Variants in ARHGAP44 observed in about 807,000 individuals in gnomAD.
The protein encoded by ARHGAP44 is rho GTPase-activating protein 44.
In ARHGAP44, 43 loss-of-function variants were observed where a neutral mutation model predicts 106.8. That is an observed-to-expected ratio of 0.40 (90% CI 0.32 to 0.52). The LOEUF is 0.52. Among genes scored for constraint, ARHGAP44 ranks in the 20% least tolerant of loss-of-function variants. ARHGAP44 has a pLI of 0.48. For missense variants in ARHGAP44, 866 were observed against 1,050.5 expected (o/e 0.82, Z 2.43); for synonymous variants, 439 against 410.3 (o/e 1.07, Z -0.85).
intron 9 of ARHGAP44, 57 bp from the exon 10 acceptor site, chr17:12,944,012 C>G: frequency 6.6e-7 from 1 of 1,516,620 alleles, no homozygotes; most frequent in East Asian, 2.4e-5. Flanking sequence ...AAGCGAGATT[C>G]CAGCATGAGT....
intron 7 of ARHGAP44, among the ~76,000 whole-genome samples, chr17:12,933,087 A>C (rs1048542285): frequency 1.3e-4 from 20 of 152,092 alleles, no homozygotes; most frequent in Non-Finnish European, 2.6e-4. Context: ...GTTTTGTTAA[A>C]GTTCTCTTCT....
intron 1 of ARHGAP44, among the ~76,000 whole-genome samples, chr17:12,791,177 A>G (rs562651728): frequency 6.6e-6 from 1 of 152,308 alleles, no homozygotes; most frequent in East Asian, 1.9e-4. Flanking sequence ...TTTCCAAGTA[A>G]CAATGTCTAA....
chr17:12,860,098 C>CA (rs2036025861), intron 1 of ARHGAP44, among the ~76,000 whole-genome samples: 1 of 118,316 alleles, frequency 8.5e-6, no homozygotes, highest in Admixed American at 8.2e-5. Flanking sequence ...GGCATGCCCA[C>CA]AAGTGAGTTA....
At chr17:12,935,561 C>T (rs1217997252) in intron 7 of ARHGAP44, among the ~76,000 whole-genome samples, 1 of 106,282 alleles carries the variant, frequency 9.4e-6, no homozygotes, top group African/African-American at 4.1e-5. Context: ...CAGAGTGAGA[C>T]TCCATCTCAA....
At chr17:12,903,140 A>AGTGTGTGTGTGTGT (rs546197652) in intron 3 of ARHGAP44, among the ~76,000 whole-genome samples, 15 of 57,596 alleles carry the variant, frequency 2.6e-4, no homozygotes, top group Admixed American at 1.0e-3. Flanking sequence ...AGAGAGAGAG[A>AGTGTGTGTGTGTGT]GTGTGTGTGT....
At chr17:12,846,070 G>GTTA (rs2035561188) in intron 1 of ARHGAP44, among the ~76,000 whole-genome samples, 1 of 150,160 alleles carries the variant, frequency 6.7e-6, no homozygotes, top group African/African-American at 2.5e-5. Context: ...TATGAGGAAG[G>GTTA]TGATATAGTG....
At chr17:12,986,944 T>C (rs1187272857) in intron 20 of ARHGAP44, 2 of 661,140 alleles carry the variant, frequency 3.0e-6, no homozygotes, top group Non-Finnish European at 5.1e-6. Context: ...TTTTGTCCCA[T>C]ACGTTCAGGT....
chr17:12,789,531 C>CGGACTG lies in ARHGAP44; in HGVS notation c.-298_-293dup, dbSNP rs1366498381. ...TGCGGAGACTCCCGGGTCCCCGCGC[C>CGGACTG]GGACTGGGACTGGGAGCAGGCAGCC... On this transcript the variant is annotated 5_prime_UTR_variant, in exon 1 of 21. Transcript: ENST00000379672. 25 of 196,892 alleles carry CGGACTG rather than the reference C, an allele frequency of 1.3e-4. No individual in the cohort carries two copies. In the East Asian group the frequency reaches 2.7e-3, roughly 22 times the overall value. The allele number at this position is 196,892 out of a possible 1,614,324, so 12.2% of individuals were successfully genotyped here.
chr17:12,864,008 T>A (rs1472818813), intron 1 of ARHGAP44, among the ~76,000 whole-genome samples: 1 of 152,232 alleles, frequency 6.6e-6, no homozygotes, highest in Non-Finnish European at 1.5e-5. Flanking sequence ...TTGGACTTCC[T>A]CACAGTATGG....
intron 1 of ARHGAP44, among the ~76,000 whole-genome samples, chr17:12,833,162 C>G (rs939724380): frequency 1.3e-5 from 2 of 152,178 alleles, no homozygotes; most frequent in Non-Finnish European, 2.9e-5. Flanking sequence ...GGCAGTGCCA[C>G]TGGATAGGAG....
chr17:12,812,462 A>G (rs973948187), intron 1 of ARHGAP44, among the ~76,000 whole-genome samples: 3 of 152,342 alleles, frequency 2.0e-5, no homozygotes, highest in Non-Finnish European at 2.9e-5. Flanking sequence ...CTAGATGTGT[A>G]TAGAATTTAC....
chr17:12,801,372 A>G (rs73288394), intron 1 of ARHGAP44, among the ~76,000 whole-genome samples: 2,813 of 152,292 alleles, frequency 0.018, 98 homozygotes, highest in African/African-American at 0.065. Context: ...ACAACTCTTA[A>G]GAGTAGGTTC....
intron 7 of ARHGAP44, among the ~76,000 whole-genome samples, chr17:12,933,720 A>C (rs2038464681): frequency 6.6e-6 from 1 of 152,238 alleles, no homozygotes; most frequent in Non-Finnish European, 1.5e-5. Flanking sequence ...TCCACTTGGC[A>C]ACAGCAGTAT....
intron 1 of ARHGAP44, among the ~76,000 whole-genome samples, chr17:12,880,450 A>G (rs1286141423): frequency 1.3e-5 from 2 of 151,984 alleles, no homozygotes; most frequent in Non-Finnish European, 2.9e-5. Flanking sequence ...AAGGTGTTTA[A>G]TGGTGTTTGC....
intron 1 of ARHGAP44, among the ~76,000 whole-genome samples, chr17:12,817,855 A>C (rs947860432): frequency 5.3e-5 from 8 of 152,020 alleles, no homozygotes; most frequent in Non-Finnish European, 8.8e-5. Context: ...AGATAATTGG[A>C]ATACTTTTAT....
chr17:12,893,960 G>A (rs73294279), intron 1 of ARHGAP44, among the ~76,000 whole-genome samples: 3,100 of 152,094 alleles, frequency 0.02, 109 homozygotes, highest in African/African-American at 0.071. Flanking sequence ...AGGGTCTTAC[G>A]TTTCTAAACA....
chr17:12,812,804 T>C (rs1597876721), intron 1 of ARHGAP44, among the ~76,000 whole-genome samples: 1 of 152,234 alleles, frequency 6.6e-6, no homozygotes, highest in South Asian at 2.1e-4. Context: ...ACTGAATGCA[T>C]GAGCTACTTT....
chr17:12,935,791 A>G (rs1468343630), intron 7 of ARHGAP44, among the ~76,000 whole-genome samples: 2 of 152,216 alleles, frequency 1.3e-5, no homozygotes. Flanking sequence ...AATTTCTTCT[A>G]GAATGTTAAG....
intron 3 of ARHGAP44, among the ~76,000 whole-genome samples, chr17:12,899,191 G>T (rs1188158896): frequency 1.3e-5 from 2 of 152,064 alleles, no homozygotes; most frequent in Non-Finnish European, 2.9e-5. Flanking sequence ...GGATGGTCTT[G>T]ATCTCTTGAC....
Sources: allele counts gnomAD v4.1 joint callset (sites outside exome capture counted in the v4.1 genomes callset), GRCh38; gene constraint gnomAD v4.1.1; transcripts MANE v1.5; gene names NCBI Gene and HGNC (gene_info 2026-07-23, HGNC 2026-07-21).